Variants in LRP1B observed in about 807,000 individuals in gnomAD.
The protein encoded by LRP1B is low-density lipoprotein receptor-related protein 1B.
LRP1B carries 217 observed loss-of-function variants against 556.6 expected under a neutral mutation model. The observed-to-expected ratio is 0.39, with a 90% CI of 0.35 to 0.44. LRP1B has a LOEUF of 0.44. Ranked by LOEUF, LRP1B falls within the 20% of genes least tolerant of loss-of-function variation. The pLI is 1.00. For missense variants in LRP1B, 5,053 were observed against 5,620.8 expected (o/e 0.90, Z 3.23); for synonymous variants, 2,047 against 1,865.8 (o/e 1.10, Z -2.50).
intron 56 of LRP1B, among the ~76,000 whole-genome samples, chr2:140,493,718 G>A (rs921711817): frequency 1.3e-5 from 2 of 151,524 alleles, no homozygotes; most frequent in Admixed American, 6.6e-5. Context: ...TTGTTATACC[G>A]TTATTGTCCT....
intron 35 of LRP1B, among the ~76,000 whole-genome samples, chr2:140,755,716 A>T (rs1206214892): frequency 5.3e-5 from 8 of 152,056 alleles, no homozygotes; most frequent in Non-Finnish European, 1.2e-4. Context: ...AGCTAATATC[A>T]TATAGTTAAT....
Position 140,554,854 on chromosome 2 carries a change from A to ATGTGTG in LRP1B, c.7195-12889_7195-12884dup, listed in dbSNP as rs1553485749. ...CTGCTGCTTCTTTTAAAGTGTGTGT[A>ATGTGTG]TGTGTGTGTGTGTGTGTGTGTGTGT... is the stretch of plus-strand genomic sequence containing the variant. On this transcript the variant is annotated intron_variant, in intron 43 of 90. Coordinates refer to ENST00000389484, the MANE Select transcript of LRP1B (RefSeq NM_018557.3). Among the ~76,000 whole-genome samples, 1,336 of 146,068 alleles carry ATGTGTG rather than the reference A, an allele frequency of 9.1e-3. 17 individuals are homozygous for ATGTGTG. Among genetic ancestry groups the ATGTGTG allele is most frequent in the African/African-American group, 0.032 (1,263 of 39,694 alleles).
chr2:141,746,328 G>C lies in LRP1B; in HGVS notation c.205+63951C>G, dbSNP rs541379595. On this transcript the variant is annotated intron_variant, in intron 2 of 90. Transcript: ENST00000389484. ...GCTGGAACTCATATTCAGACTGCTGGGATGGGCGATTCCTCTCTGGCTAGA... is the reference window on the plus strand; with the variant it reads ...GCTGGAACTCATATTCAGACTGCTGCGATGGGCGATTCCTCTCTGGCTAGA... Among the ~76,000 whole-genome samples, 14 of 152,228 alleles carry C rather than the reference G, an allele frequency of 9.2e-5. No homozygotes were observed. The South Asian group carries it at 2.9e-3, about 32-fold the overall frequency.
At chr2:141,962,631 C>G (rs548925870) in intron 1 of LRP1B, among the ~76,000 whole-genome samples, 1 of 151,752 alleles carries the variant, frequency 6.6e-6, no homozygotes, top group South Asian at 2.1e-4. Context: ...TAGAAAAGCC[C>G]AATACATTTG....
At chr2:141,300,685 C>A (rs191852905) in intron 3 of LRP1B, among the ~76,000 whole-genome samples, 2 of 152,258 alleles carry the variant, frequency 1.3e-5, no homozygotes, top group East Asian at 3.9e-4. Flanking sequence ...CCGCCCCTCT[C>A]GCTCTTGCTC....
At chr2:141,389,133 C>G (rs914659631) in intron 3 of LRP1B, among the ~76,000 whole-genome samples, 1 of 152,116 alleles carries the variant, frequency 6.6e-6, no homozygotes, top group African/African-American at 2.4e-5. Context: ...AGCCAATCCT[C>G]AAATTCTTAT....
intron 3 of LRP1B, among the ~76,000 whole-genome samples, chr2:141,315,252 ATTTTT>A (rs34839276): frequency 2.6e-5 from 2 of 77,164 alleles, no homozygotes; most frequent in Non-Finnish European, 4.5e-5. Flanking sequence ...AATGATTGTA[ATTTTT>A]TTTTTTTTTT....
chr2:140,284,892 A>ACCTACC (rs1332292460), intron 84 of LRP1B, among the ~76,000 whole-genome samples: 7 of 134,230 alleles, frequency 5.2e-5, no homozygotes, highest in East Asian at 2.2e-4. Context: ...ATATCTATAT[A>ACCTACC]TGGATATCTA....
chr2:140,748,803 T>G (rs1688460167), intron 35 of LRP1B, among the ~76,000 whole-genome samples: 1 of 112,902 alleles, frequency 8.9e-6, no homozygotes, highest in Non-Finnish European at 1.8e-5. Flanking sequence ...TATATACATA[T>G]TATATACATG....
At chr2:140,727,471 A>G (rs986305808) in intron 35 of LRP1B, among the ~76,000 whole-genome samples, 1 of 152,176 alleles carries the variant, frequency 6.6e-6, no homozygotes, top group Non-Finnish European at 1.5e-5. Flanking sequence ...AAGTTCTAGG[A>G]ATTGAGACGA....
chr2:141,847,312 G>A (rs1201340270), intron 1 of LRP1B, among the ~76,000 whole-genome samples: 1 of 151,422 alleles, frequency 6.6e-6, no homozygotes, highest in Non-Finnish European at 1.5e-5. Context: ...TGAATAAGTA[G>A]AAAGATATAC....
intron 2 of LRP1B, among the ~76,000 whole-genome samples, chr2:141,517,288 A>ACACACC (rs1348228281): frequency 6.6e-6 from 1 of 151,874 alleles, no homozygotes; most frequent in African/African-American, 2.4e-5. Context: ...ACACACACAC[A>ACACACC]CCTTAAAATG....
chr2:141,106,134 A>AT (rs1377046408), intron 7 of LRP1B, among the ~76,000 whole-genome samples: 3 of 152,176 alleles, frequency 2.0e-5, no homozygotes, highest in Non-Finnish European at 4.4e-5. Context: ...AAACAATATA[A>AT]TTTAAAGGCT....
intron 1 of LRP1B, among the ~76,000 whole-genome samples, chr2:141,875,816 T>C (rs1698738956): frequency 6.6e-6 from 1 of 151,946 alleles, no homozygotes; most frequent in Non-Finnish European, 1.5e-5. Flanking sequence ...CTAATATGTA[T>C]ATGTGTATGT....
intron 77 of LRP1B, among the ~76,000 whole-genome samples, chr2:140,348,699 C>A (rs1239664719): frequency 6.6e-6 from 1 of 151,956 alleles, no homozygotes; most frequent in African/African-American, 2.4e-5. Flanking sequence ...ATGAAAGATT[C>A]TATAACACAT....
chr2:141,159,567 A>C (rs896130521), intron 7 of LRP1B, among the ~76,000 whole-genome samples: 1 of 152,052 alleles, frequency 6.6e-6, no homozygotes. Flanking sequence ...GAGAGATCCG[A>C]GGGTAATTCT....
In LRP1B at chr2:141,568,629, A is replaced by G. The variant is rs191385052; in HGVS notation, c.206-88096T>C. ...GATATCCATGATATGGAATAGGCTGAGAAATATATAAATACTTGGACAAAC... is the reference window on the plus strand; with the variant it reads ...GATATCCATGATATGGAATAGGCTGGGAAATATATAAATACTTGGACAAAC... On this transcript the variant is annotated intron_variant, in intron 2 of 90. Coordinates refer to ENST00000389484, the MANE Select transcript of LRP1B (RefSeq NM_018557.3). 3.1e-3 allele frequency among the ~76,000 whole-genome samples: 476 copies of G among 151,460 alleles called. 24 individuals are homozygous for G. Among genetic ancestry groups the G allele is most frequent in the Non-Finnish European group, 3.4e-3 (227 of 67,524 alleles).
At chr2:142,059,381 T>G (rs552332315) in intron 1 of LRP1B, among the ~76,000 whole-genome samples, 2 of 152,156 alleles carry the variant, frequency 1.3e-5, no homozygotes, top group African/African-American at 4.8e-5. Flanking sequence ...GTCAATATTG[T>G]TTGTTCCTTA....
At chr2:140,872,217 C>T (rs1166175304) in intron 25 of LRP1B, among the ~76,000 whole-genome samples, 1 of 151,384 alleles carries the variant, frequency 6.6e-6, no homozygotes, top group Non-Finnish European at 1.5e-5. Context: ...TTATAATAGT[C>T]TGGAGTTCCT....
Sources: gnomAD v4.1 joint callset for allele counts (sites outside exome capture counted in the v4.1 genomes callset) on GRCh38, gnomAD v4.1.1 for gene constraint, MANE v1.5 for transcripts, NCBI Gene and HGNC (gene_info 2026-07-23, HGNC 2026-07-21) for gene names.